The following ALK variants were observed in gnomAD, a reference collection of about 807,000 sequenced individuals.
The protein encoded by ALK is ALK receptor tyrosine kinase, also known as ALK tyrosine kinase receptor.
In ALK, 74 loss-of-function variants were observed where a neutral mutation model predicts 163.1. The ratio of observed to expected loss-of-function variants is 0.45; its 90% confidence interval spans 0.38 to 0.55. The LOEUF is 0.55. ALK is among the 20% of genes least tolerant of loss of function. ALK has a pLI of 0.00. For synonymous variants in ALK, 960 were observed against 843.2 expected (o/e 1.14, Z -2.40); for missense variants, 2,063 against 2,105.3 (o/e 0.98, Z 0.39).
At chr2:29,445,562 C>A (rs1670651994) in intron 4 of ALK, among the ~76,000 whole-genome samples, 1 of 152,250 alleles carries the variant, frequency 6.6e-6, no homozygotes, top group Non-Finnish European at 1.5e-5. Context: ...CTTATAATCC[C>A]AGCACTTCGG....
chr2:29,455,671 G>A (rs966606953), intron 4 of ALK, among the ~76,000 whole-genome samples: 30 of 152,284 alleles, frequency 2.0e-4, no homozygotes, highest in African/African-American at 7.0e-4. Flanking sequence ...ACCTTCCTCC[G>A]GATGCAAGAA....
At chr2:29,252,098 G>A (rs549642682) in intron 11 of ALK, among the ~76,000 whole-genome samples, 6 of 151,748 alleles carry the variant, frequency 4.0e-5, no homozygotes, top group Non-Finnish European at 7.4e-5. Context: ...CCCATTCCTG[G>A]TGTTCTGTGT....
chr2:29,223,580 C>T (rs1025614032), intron 19 of ALK, 52 bp from the exon 20 acceptor site: 17 of 1,587,188 alleles, frequency 1.1e-5, no homozygotes, highest in Admixed American at 1.0e-4. Flanking sequence ...GCCCTTGAAG[C>T]ACTACACAGG....
At chr2:29,806,022 T>A (rs1331647100) in intron 1 of ALK, among the ~76,000 whole-genome samples, 1 of 152,210 alleles carries the variant, frequency 6.6e-6, no homozygotes, top group Non-Finnish European at 1.5e-5. Flanking sequence ...GAGGGGTGTC[T>A]GTGTGTGTCT....
intron 3 of ALK, among the ~76,000 whole-genome samples, chr2:29,597,914 G>C (rs1573488226): frequency 6.6e-6 from 1 of 152,326 alleles, no homozygotes; most frequent in Non-Finnish European, 1.5e-5. Flanking sequence ...TGAGGAGAGT[G>C]TGGGCCACTG....
chr2:29,501,908 C>A (rs1454391759), intron 4 of ALK, among the ~76,000 whole-genome samples: 1 of 152,106 alleles, frequency 6.6e-6, no homozygotes, highest in Non-Finnish European at 1.5e-5. Flanking sequence ...CCATATGGTG[C>A]CTCACATGAG....
At chr2:29,628,664 G>A (rs1167929331) in intron 3 of ALK, among the ~76,000 whole-genome samples, 1 of 152,176 alleles carries the variant, frequency 6.6e-6, no homozygotes, top group African/African-American at 2.4e-5. Context: ...CAGAAAATAT[G>A]TCTGGCTACC....
intron 1 of ALK, among the ~76,000 whole-genome samples, chr2:29,822,165 C>T (rs1197734125): frequency 6.6e-6 from 1 of 152,180 alleles, no homozygotes; most frequent in African/African-American, 2.4e-5. Context: ...CCTGATTCAG[C>T]AGAGGGAGGA....
chr2:29,573,125 C>A (rs1674426694), intron 3 of ALK, among the ~76,000 whole-genome samples: 2 of 152,212 alleles, frequency 1.3e-5, no homozygotes, highest in African/African-American at 4.8e-5. Context: ...CCTCCTTTCT[C>A]TCCCTCCCCT....
chr2:29,788,525 G>A (rs536026811), intron 1 of ALK, among the ~76,000 whole-genome samples: 1 of 152,294 alleles, frequency 6.6e-6, no homozygotes, highest in East Asian at 1.9e-4. Context: ...GTATTCATGA[G>A]AAAGCGAAAG....
At chr2:29,362,423 T>G (rs1668408072) in intron 5 of ALK, among the ~76,000 whole-genome samples, 1 of 152,166 alleles carries the variant, frequency 6.6e-6, no homozygotes, top group South Asian at 2.1e-4. Context: ...TGACAGTATA[T>G]TAGAAGGAGG....
intron 4 of ALK, among the ~76,000 whole-genome samples, chr2:29,504,691 T>G (rs10445908): frequency 0.43 from 65,799 of 151,730 alleles, 15,136 homozygotes; most frequent in African/African-American, 0.59. Flanking sequence ...TGGAGTAAAA[T>G]GGAGAAATGA....
rs532110023 is a variant in ALK, at chr2:29,689,150, T to A, written c.952+5700A>T. Among the ~76,000 whole-genome samples the A allele has an allele frequency of 2.0e-5, 3 of 152,202 alleles. No individual in the cohort carries two copies. In the South Asian group the frequency reaches 6.2e-4, roughly 32 times the overall value. On this transcript the variant is annotated intron_variant, in intron 3 of 28. Transcript: ENST00000389048. ...CACATGTAGGTGTCAGAGGTCCCCA[T>A]CAATCAGCAAATGAAGCCTGAACTC... is the stretch of plus-strand genomic sequence containing the variant.
intron 26 of ALK, among the ~76,000 whole-genome samples, chr2:29,198,960 TC>T (rs1465798114): frequency 1.6e-5 from 2 of 125,960 alleles, no homozygotes; most frequent in African/African-American, 6.8e-5. Flanking sequence ...TTAGTTGTTT[TC>T]TTTTTTTTTT....
chr2:29,332,412 C>G (rs562476641), intron 5 of ALK, among the ~76,000 whole-genome samples: 85 of 146,762 alleles, frequency 5.8e-4, no homozygotes, highest in African/African-American at 2.0e-3. Flanking sequence ...ATGGGTGTTT[C>G]ACACACCAAT....
intron 2 of ALK, among the ~76,000 whole-genome samples, chr2:29,713,913 A>T (rs1558455408): frequency 6.6e-6 from 1 of 151,928 alleles, no homozygotes. Context: ...CGTCCTGTTT[A>T]AAAAGTTGAT....
intron 4 of ALK, among the ~76,000 whole-genome samples, chr2:29,499,819 G>A (rs1164583185): frequency 6.6e-6 from 1 of 151,986 alleles, no homozygotes; most frequent in Non-Finnish European, 1.5e-5. Context: ...CCTAGCCATA[G>A]ATCTGACTCC....
Position 29,426,197 on chromosome 2 carries a change from TCA to T in ALK, c.1155-42340_1155-42339del, listed in dbSNP as rs1670132057. On this transcript the variant is annotated intron_variant, in intron 4 of 28. Coordinates refer to ENST00000389048, the MANE Select transcript of ALK (RefSeq NM_004304.5). ...TAAAAGCAGTGTCATCCTAGGATGA[TCA>T]CACACACCATGCCCTCTGGAGAATG... Among the ~76,000 whole-genome samples the T allele has an allele frequency of 2.0e-5, 3 of 152,166 alleles. No individual in the cohort carries two copies. The South Asian group carries it at 6.2e-4, about 32-fold the overall frequency.
chr2:29,356,070 C>T lies in ALK; in HGVS notation c.1283-27589G>A, dbSNP rs189545118. On this transcript the variant is annotated intron_variant, in intron 5 of 28. Transcript: ENST00000389048. ...GAAGAGGCACTTGTTAGACACCTGC[C>T]CAAGGCCCCTCGAGGTCCAAGGAGC... Among the ~76,000 whole-genome samples, 226 of 152,232 alleles carry T rather than the reference C, an allele frequency of 1.5e-3. 1 individual carries two copies. The highest frequency in any genetic ancestry group is 2.9e-3 in the South Asian group (14 of 4,820).
Sources: gnomAD v4.1 joint callset for allele counts (sites outside exome capture counted in the v4.1 genomes callset) on GRCh38, gnomAD v4.1.1 for gene constraint, MANE v1.5 for transcripts, NCBI Gene and HGNC (gene_info 2026-07-23, HGNC 2026-07-21) for gene names.